The following RIMS1 variants were observed in gnomAD, a reference collection of about 807,000 sequenced individuals.
The protein encoded by RIMS1 is regulating synaptic membrane exocytosis 1, also known as regulating synaptic membrane exocytosis protein 1.
A neutral mutation model predicts 214.1 loss-of-function variants in RIMS1; 83 were observed. That is an observed-to-expected ratio of 0.39 (90% CI 0.32 to 0.47). The LOEUF is 0.47. RIMS1 is among the 20% of genes least tolerant of loss of function. The probability of loss-of-function intolerance (pLI) is 0.99; values close to 1 mark genes in which losing one functional copy is unlikely to be tolerated. For synonymous variants in RIMS1, 793 were observed against 786.8 expected (o/e 1.01, Z -0.13); for missense variants, 2,050 against 2,161.8 (o/e 0.95, Z 1.03).
Position 72,248,196 on chromosome 6 carries a change from A to G in RIMS1, c.2241+69A>G, listed in dbSNP as rs957007984. On this transcript the variant is annotated intron_variant, in intron 12 of 33. Coordinates refer to ENST00000521978, the MANE Select transcript of RIMS1 (RefSeq NM_014989.7). The stretch of plus-strand genomic sequence containing the variant: ...ACACTGTCTGAGTCTGTCTTTAAAT[A>G]TGTTCGCCTTTCCTTGAAGCCTGCA... The G allele has an allele frequency of 7.7e-5, 70 of 912,044 alleles. 1 individual carries two copies. The highest frequency in any genetic ancestry group is 4.5e-4 in the Middle Eastern group (2 of 4,482). 56.5% of individuals were successfully genotyped at this position (912,044 alleles called of 1,614,324 possible).
At chr6:72,167,977 C>CAA (rs2046502484) in intron 4 of RIMS1, among the ~76,000 whole-genome samples, 2 of 150,890 alleles carry the variant, frequency 1.3e-5, no homozygotes, top group South Asian at 4.2e-4. Context: ...TGATTTTTGG[C>CAA]AATTTAAAAT....
At chr6:72,077,030 C>T (rs886237694) in intron 2 of RIMS1, among the ~76,000 whole-genome samples, 3 of 152,150 alleles carry the variant, frequency 2.0e-5, no homozygotes, top group Non-Finnish European at 4.4e-5. Context: ...ATCTCCAATC[C>T]CCACTCCACT....
intron 1 of RIMS1, among the ~76,000 whole-genome samples, chr6:71,962,857 CT>C (rs1793355124): frequency 6.6e-6 from 1 of 151,964 alleles, no homozygotes; most frequent in Admixed American, 6.6e-5. Context: ...TATAGAAACC[CT>C]TTCTCTACGT....
At chr6:72,193,934 T>A (rs929343853) in intron 6 of RIMS1, among the ~76,000 whole-genome samples, 3 of 151,430 alleles carry the variant, frequency 2.0e-5, no homozygotes, top group Non-Finnish European at 4.4e-5. Flanking sequence ...TGGGAAGAAA[T>A]TTTTTTTTAG....
chr6:72,272,080 G>C (rs986499804), intron 22 of RIMS1, among the ~76,000 whole-genome samples: 1 of 152,118 alleles, frequency 6.6e-6, no homozygotes, highest in Non-Finnish European at 1.5e-5. Context: ...AGGTAGGCTG[G>C]TTTGGAAATA....
intron 29 of RIMS1, among the ~76,000 whole-genome samples, chr6:72,344,783 G>T (rs1026172171): frequency 2.0e-4 from 30 of 151,708 alleles, no homozygotes; most frequent in Non-Finnish European, 2.1e-4. Flanking sequence ...CCCTAATAAG[G>T]ATTAGTATTT....
chr6:72,146,856 T>A (rs891306962), intron 4 of RIMS1, among the ~76,000 whole-genome samples: 1 of 152,232 alleles, frequency 6.6e-6, no homozygotes, highest in Admixed American at 6.5e-5. Context: ...ATAATGGTAA[T>A]TCTTAGCAAT....
At chr6:72,083,308 T>A (rs917327291) in intron 2 of RIMS1, among the ~76,000 whole-genome samples, 2 of 152,198 alleles carry the variant, frequency 1.3e-5, no homozygotes, top group East Asian at 1.9e-4. Flanking sequence ...TTTATAAATA[T>A]CAGATTTTTA....
rs545922252 is a variant in RIMS1, at chr6:72,221,481, G to A, written c.1679-12292G>A. On this transcript the variant is annotated intron_variant, in intron 6 of 33. Coordinates refer to ENST00000521978, the MANE Select transcript of RIMS1 (RefSeq NM_014989.7). ...AAATAATGCAAAATGGCTAGCCTAG[G>A]GTAGTAATGAGTTTCTCATTTGAAA... 3.3e-5 allele frequency among the ~76,000 whole-genome samples: 5 copies of A among 152,010 alleles called. No homozygotes were observed. In the East Asian group the frequency reaches 9.7e-4, roughly 29 times the overall value.
At chr6:72,139,675 A>G (rs2041845221) in intron 4 of RIMS1, among the ~76,000 whole-genome samples, 1 of 152,146 alleles carries the variant, frequency 6.6e-6, no homozygotes, top group African/African-American at 2.4e-5. Context: ...TTTGGTATGA[A>G]GGGAAAGTTT....
chr6:72,311,600 A>G (rs144297468), intron 27 of RIMS1, among the ~76,000 whole-genome samples: 8 of 152,330 alleles, frequency 5.3e-5, no homozygotes, highest in Non-Finnish European at 8.8e-5. Context: ...AAATCACACA[A>G]TTATGAAAAA....
chr6:72,029,337 T>G (rs748882681), intron 2 of RIMS1, among the ~76,000 whole-genome samples: 6 of 152,202 alleles, frequency 3.9e-5, no homozygotes, highest in Non-Finnish European at 8.8e-5. Context: ...CTACATATTA[T>G]AGTCTGAATG....
intron 4 of RIMS1, among the ~76,000 whole-genome samples, chr6:72,118,124 C>A (rs1260614215): frequency 6.8e-6 from 1 of 147,858 alleles, no homozygotes; most frequent in Admixed American, 6.8e-5. Context: ...TACAAAAGAT[C>A]ATTCAAAGCT....
chr6:72,117,369 A>G (rs1182015052), intron 4 of RIMS1, among the ~76,000 whole-genome samples: 1 of 151,934 alleles, frequency 6.6e-6, no homozygotes, highest in Admixed American at 6.6e-5. Flanking sequence ...ATGTTCTGTA[A>G]GTATCTGTTA....
intron 2 of RIMS1, among the ~76,000 whole-genome samples, chr6:72,058,665 T>A (rs1451003340): frequency 6.6e-6 from 1 of 152,210 alleles, no homozygotes; most frequent in Admixed American, 6.5e-5. Flanking sequence ...AAGACCTTTT[T>A]CTTGAATTAT....
intron 28 of RIMS1, 129 bp downstream of exon 28, chr6:72,313,801 G>A: frequency 1.1e-6 from 1 of 896,006 alleles, no homozygotes; most frequent in Non-Finnish European, 1.7e-6. Flanking sequence ...CGACTACTAT[G>A]TAGTATTGCC....
At chr6:72,247,940 A>G (rs2071002562) in intron 11 of RIMS1, 75 bp from the exon 12 acceptor site, 5 of 924,692 alleles carry the variant, frequency 5.4e-6, no homozygotes, top group Non-Finnish European at 8.9e-6. Context: ...TATACAAATA[A>G]AGGATGCATT....
At chr6:72,174,520 T>A (rs1015195773) in intron 4 of RIMS1, among the ~76,000 whole-genome samples, 4 of 152,054 alleles carry the variant, frequency 2.6e-5, no homozygotes, top group Non-Finnish European at 5.9e-5. Context: ...TAATGTATCC[T>A]AAAAAAAGAC....
intron 2 of RIMS1, among the ~76,000 whole-genome samples, chr6:71,991,157 G>A (rs1460023401): frequency 1.3e-5 from 2 of 151,920 alleles, no homozygotes; most frequent in Admixed American, 6.6e-5. Context: ...AAGCCATACT[G>A]AAAGGAATAT....
Sources: allele counts gnomAD v4.1 joint callset (sites outside exome capture counted in the v4.1 genomes callset), GRCh38; gene constraint gnomAD v4.1.1; transcripts MANE v1.5; gene names NCBI Gene and HGNC (gene_info 2026-07-23, HGNC 2026-07-21).